The following ANKFN1 variants were observed in gnomAD, a reference collection of about 807,000 sequenced individuals.
ANKFN1 encodes the protein ankyrin repeat and fibronectin type-III domain-containing protein 1.
A neutral mutation model predicts 108.7 loss-of-function variants in ANKFN1; 74 were observed. That is an observed-to-expected ratio of 0.68 (90% CI 0.56 to 0.83). The LOEUF is 0.83. ANKFN1 is among the 40% of genes least tolerant of loss of function. The pLI, the probability that ANKFN1 is intolerant of heterozygous loss-of-function variation, is 0.00. For synonymous variants in ANKFN1, 547 were observed against 516.2 expected (o/e 1.06, Z -0.81); for missense variants, 1,505 against 1,382.3 (o/e 1.09, Z -1.41).
At chr17:56,400,889 G>T (rs748088688) in intron 8 of ANKFN1, among the ~76,000 whole-genome samples, 1 of 152,014 alleles carries the variant, frequency 6.6e-6, no homozygotes, top group Non-Finnish European at 1.5e-5. Context: ...TCAAAAATCG[G>T]TTGGCTGTAA....
intron 3 of ANKFN1, among the ~76,000 whole-genome samples, chr17:56,235,888 A>G (rs1917096969): frequency 6.6e-6 from 1 of 152,158 alleles, no homozygotes; most frequent in Admixed American, 6.6e-5. Flanking sequence ...TAATTCTGTG[A>G]AAAATGTCTT....
chr17:56,131,552 T>C (rs2143346699), intron 4 of ANKFN1, among the ~76,000 whole-genome samples: 1 of 152,370 alleles, frequency 6.6e-6, no homozygotes, highest in South Asian at 2.1e-4. Context: ...TCTGTTCTAG[T>C]GGAGCCCAGT....
intron 4 of ANKFN1, among the ~76,000 whole-genome samples, chr17:56,115,036 G>A (rs1906180038): frequency 2.6e-5 from 4 of 152,244 alleles, no homozygotes; most frequent in Admixed American, 2.6e-4. Flanking sequence ...TTTTAGTGCA[G>A]TGAGATCCAT....
At chr17:56,263,678 T>C (rs1005766802) in intron 3 of ANKFN1, among the ~76,000 whole-genome samples, 3 of 152,216 alleles carry the variant, frequency 2.0e-5, no homozygotes, top group African/African-American at 7.2e-5. Context: ...TTTCATCAGC[T>C]CATGTTCACA....
chr17:56,392,362 GTATCC>G (rs2047465352), intron 8 of ANKFN1, among the ~76,000 whole-genome samples: 1 of 152,120 alleles, frequency 6.6e-6, no homozygotes. Context: ...GCCTAAGGAG[GTATCC>G]TGTTCACGAT....
In ANKFN1 at chr17:56,354,120, C is replaced by A. The variant is rs2046317126; in HGVS notation, c.601+74C>A. Reference sequence around the variant, plus strand: ...CCTTATGCCACCAAAATAGCCATTGCTGACTTTCAGAGCAGGAATGGTTGA... The same window carrying A: ...CCTTATGCCACCAAAATAGCCATTGATGACTTTCAGAGCAGGAATGGTTGA... On this transcript the variant is annotated intron_variant, in intron 6 of 20. Coordinates refer to ENST00000682825, the MANE Select transcript of ANKFN1 (RefSeq NM_001370326.1). The A allele has an allele frequency of 2.1e-6, 3 of 1,444,266 alleles. No individual in the cohort carries two copies. In the Admixed American group the frequency reaches 5.8e-5, roughly 28 times the overall value. The allele number at this position is 1,444,266 out of a possible 1,614,324, so 89.5% of individuals were successfully genotyped here.
At chr17:56,399,466 C>G (rs1300668864) in intron 8 of ANKFN1, among the ~76,000 whole-genome samples, 2 of 151,480 alleles carry the variant, frequency 1.3e-5, no homozygotes, top group African/African-American at 4.9e-5. Context: ...AAGTCATAAC[C>G]CCTTATTTAG....
At chr17:56,364,258 C>A (rs1232443941) in intron 6 of ANKFN1, among the ~76,000 whole-genome samples, 1 of 151,908 alleles carries the variant, frequency 6.6e-6, no homozygotes, top group East Asian at 1.9e-4. Flanking sequence ...GTGTCTAGTG[C>A]AAATGAATAA....
At chr17:56,388,120 C>T (rs1254964661) in intron 8 of ANKFN1, among the ~76,000 whole-genome samples, 3 of 151,574 alleles carry the variant, frequency 2.0e-5, no homozygotes, top group Non-Finnish European at 2.9e-5. Flanking sequence ...ATGGCTATTT[C>T]TTTCTTTTTT....
rs931643075 is a variant in ANKFN1, at chr17:56,050,142, G to A, written c.288+3817G>A. Among the ~76,000 whole-genome samples, 10 of 151,804 alleles carry A rather than the reference G, an allele frequency of 6.6e-5. No homozygotes were observed. In the East Asian group the frequency reaches 1.9e-3, roughly 29 times the overall value. On this transcript the variant is annotated intron_variant, in intron 4 of 12. Transcript: ENST00000635860. ...TTGATTTGCATTTCTCTGGTGGCCAGTGATGATGAGCATTTTTTCATGTGT... is the reference window on the plus strand; with the variant it reads ...TTGATTTGCATTTCTCTGGTGGCCAATGATGATGAGCATTTTTTCATGTGT...
At chr17:56,276,299 G>A (rs2043931831) in intron 3 of ANKFN1, among the ~76,000 whole-genome samples, 1 of 152,182 alleles carries the variant, frequency 6.6e-6, no homozygotes, top group African/African-American at 2.4e-5. Context: ...TTGCTATTGT[G>A]AATAGTGCTG....
At chr17:56,160,276 G>A (rs1909526354) in intron 1 of ANKFN1, among the ~76,000 whole-genome samples, 1 of 152,298 alleles carries the variant, frequency 6.6e-6, no homozygotes, top group African/African-American at 2.4e-5. Flanking sequence ...CCCTCCCCTA[G>A]GAATTGGTGT....
At chr17:56,440,514 C>A in intron 9 of ANKFN1, 90 bp downstream of exon 9, 1 of 991,132 alleles carries the variant, frequency 1.0e-6, no homozygotes, top group Non-Finnish European at 1.6e-6. Context: ...AAGCAACAGC[C>A]AACGCCCAGT....
chr17:56,291,080 G>A (rs2044350605), intron 3 of ANKFN1, among the ~76,000 whole-genome samples: 1 of 152,078 alleles, frequency 6.6e-6, no homozygotes, highest in Non-Finnish European at 1.5e-5. Flanking sequence ...AGAAGAGTCT[G>A]GATCAGTCAG....
chr17:56,443,546 C>T (rs1216941844), intron 10 of ANKFN1, among the ~76,000 whole-genome samples: 3 of 152,116 alleles, frequency 2.0e-5, no homozygotes, highest in Non-Finnish European at 4.4e-5. Flanking sequence ...GCAGTGCACA[C>T]ATCCACATCG....
chr17:56,440,469 T>C (rs760070417), intron 9 of ANKFN1, 45 bp downstream of exon 9: 1 of 1,490,240 alleles, frequency 6.7e-7, no homozygotes, highest in Non-Finnish European at 9.3e-7. Flanking sequence ...TGCTGATATT[T>C]GTGCTGGGAT....
At chr17:56,454,270 A>G (rs981464398) in intron 11 of ANKFN1, among the ~76,000 whole-genome samples, 1 of 152,056 alleles carries the variant, frequency 6.6e-6, no homozygotes, top group African/African-American at 2.4e-5. Context: ...TTTTGACAAC[A>G]TGTTTTTAAT....
rs201609450 is a variant in ANKFN1, at chr17:56,266,905, T to TTTG, written c.53+38949_53+38950insTGT. On this transcript the variant is annotated intron_variant, in intron 3 of 20. Transcript: ENST00000682825. ...GAGTGTTTTTGTTTTTGTTTTTGTT[T>TTTG]TAATTTAGGAAAGGGATTCATCTCT... is the stretch of plus-strand genomic sequence containing the variant. Among the ~76,000 whole-genome samples, 781 of 152,072 alleles carry TTTG rather than the reference T, an allele frequency of 5.1e-3. 10 individuals are homozygous for TTTG. Among genetic ancestry groups the TTTG allele is most frequent in the African/African-American group, 0.018 (748 of 41,336 alleles).
intron 3 of ANKFN1, among the ~76,000 whole-genome samples, chr17:56,309,924 A>G (rs1473791325): frequency 6.6e-6 from 1 of 152,168 alleles, no homozygotes; most frequent in African/African-American, 2.4e-5. Context: ...GATGAGATGA[A>G]GTGAGGTGAA....
Sources: gnomAD v4.1 joint callset for allele counts (sites outside exome capture counted in the v4.1 genomes callset) on GRCh38, gnomAD v4.1.1 for gene constraint, MANE v1.5 for transcripts, NCBI Gene and HGNC (gene_info 2026-07-23, HGNC 2026-07-21) for gene names.